The following SYCP2 variants were observed in gnomAD, a reference collection of about 807,000 sequenced individuals.
The protein encoded by SYCP2 is synaptonemal complex lateral element protein.
In SYCP2, 55 loss-of-function variants were observed where a neutral mutation model predicts 211.3. That is an observed-to-expected ratio of 0.26 (90% confidence interval 0.21 to 0.33). The LOEUF is 0.33. Among genes scored for constraint, SYCP2 ranks in the 10% least tolerant of loss-of-function variants. The pLI is 1.00. For synonymous variants in SYCP2, 570 were observed against 555.2 expected (o/e 1.03, Z -0.37); for missense variants, 1,731 against 1,752.0 (o/e 0.99, Z 0.21).
intron 29 of SYCP2, 94 bp from the exon 30 acceptor site, chr20:59,881,117 TTAACTTTTTCAC>T: frequency 1.4e-6 from 1 of 708,092 alleles, no homozygotes; most frequent in Non-Finnish European, 2.3e-6. Flanking sequence ...GTTTTCAGTC[TTAACTTTTTCAC>T]TAATTAGCTA....
intron 3 of SYCP2, 138 bp downstream of exon 3, chr20:59,922,252 T>G (rs1012991341): frequency 5.6e-6 from 4 of 711,302 alleles, no homozygotes; most frequent in African/African-American, 1.9e-5. Context: ...AAAGGACACT[T>G]TATTTAAACT....
rs2060516504 is a variant in SYCP2, at chr20:59,920,266, A to G, written c.297+93T>C. 3.4e-6 allele frequency: 4 copies of G among 1,190,172 alleles called. No homozygotes were observed. In the East Asian group the frequency reaches 1.0e-4, roughly 31 times the overall value. 73.7% of individuals were successfully genotyped at this position (1,190,172 alleles called of 1,614,324 possible). A position where few individuals can be genotyped will look rare whatever the true frequency, so the allele number is the denominator to read the frequency against. ...CCAAAATTGTACATAAAGTTCCTAA[A>G]TTTATTTTCAACAATTTGGATAATT... On this transcript the variant is annotated intron_variant, in intron 5 of 44. Coordinates refer to ENST00000357552, the MANE Select transcript of SYCP2 (RefSeq NM_014258.4).
Position 59,868,822 on chromosome 20 carries a change from T to C in SYCP2, c.3832+13A>G. On this transcript the variant is annotated intron_variant, in intron 37 of 44. Transcript: ENST00000357552. Reference sequence around the variant, plus strand: ...GTAATCATTTTTTAAAAAGCAAGACTATGACTACAAACCTGATACATGAGT... The same window carrying C: ...GTAATCATTTTTTAAAAAGCAAGACCATGACTACAAACCTGATACATGAGT... The C allele has an allele frequency of 6.3e-7, 1 of 1,588,138 alleles. No homozygotes were observed. Among genetic ancestry groups the C allele is most frequent in the Middle Eastern group, 1.7e-4 (1 of 5,916 alleles).
rs778071339 is a variant in SYCP2 at position 59,892,038 on chromosome 20, T to G, written c.2316A>C (p.Lys772Asn). The change falls in exon 24 of 45, where the codon AAA (lysine) becomes AAC (asparagine). Residue 772 changes from lysine (K) to asparagine (N), a missense_variant. Physicochemically the swap from Lys to Asn is moderately conservative, Grantham distance 94. Coordinates refer to ENST00000357552, the MANE Select transcript of SYCP2 (RefSeq NM_014258.4). ...KNVQSHRKAEKELTSELNSWD... is the reference protein window; with the variant it reads ...KNVQSHRKAENELTSELNSWD... ...AGGAATTAAGCTCAGAAGTCAATTC[T>G]TTCTCTGCTTTTCTATGACTTTGCA... 8.1e-6 allele frequency: 13 copies of G among 1,606,938 alleles called. No individual in the cohort carries two copies. Among genetic ancestry groups the G allele is most frequent in the African/African-American group, 1.3e-5 (1 of 74,484 alleles).
At chr20:59,889,792 G>C (rs1283089600) in intron 24 of SYCP2, among the ~76,000 whole-genome samples, 1 of 152,012 alleles carries the variant, frequency 6.6e-6, no homozygotes, top group African/African-American at 2.4e-5. Flanking sequence ...AACTACCAAG[G>C]TTGCTCTGGG....
intron 2 of SYCP2, among the ~76,000 whole-genome samples, chr20:59,931,312 A>T (rs1488334954): frequency 1.3e-5 from 2 of 152,220 alleles, no homozygotes; most frequent in Non-Finnish European, 2.9e-5. Flanking sequence ...GCTAATCAGG[A>T]GGCTGAAGTG....
chr20:59,921,201 G>A (rs2060535735), intron 4 of SYCP2, 109 bp downstream of exon 4: 1 of 819,388 alleles, frequency 1.2e-6, no homozygotes, highest in Admixed American at 3.4e-5. Context: ...ATATAATTAT[G>A]ACTGAGCTTG....
chr20:59,880,891 T>C, intron 30 of SYCP2, 75 bp downstream of exon 30: 1 of 721,882 alleles, frequency 1.4e-6, no homozygotes, highest in East Asian at 3.2e-5. Flanking sequence ...TGTTTTCTTG[T>C]TTTTGATAAT....
intron 12 of SYCP2, 66 bp from the exon 13 acceptor site, chr20:59,912,484 A>G (rs756901905): frequency 4.7e-5 from 27 of 576,692 alleles, no homozygotes; most frequent in Non-Finnish European, 7.1e-5. Context: ...GTCCAGTAAT[A>G]GAAATCATGC....
intron 10 of SYCP2, among the ~76,000 whole-genome samples, 157 bp from the exon 11 acceptor site, chr20:59,914,408 A>T (rs1313598267): frequency 6.6e-6 from 1 of 152,062 alleles, no homozygotes; most frequent in Non-Finnish European, 1.5e-5. Flanking sequence ...GATTAGAAAT[A>T]TCTCATCATT....
chr20:59,927,742 C>T (rs537158040), intron 2 of SYCP2, among the ~76,000 whole-genome samples: 3 of 152,236 alleles, frequency 2.0e-5, no homozygotes, highest in African/African-American at 7.2e-5. Flanking sequence ...CTTTAATTTA[C>T]ATCACCACTG....
intron 18 of SYCP2, 36 bp downstream of exon 18, chr20:59,900,102 T>C (rs765566717): frequency 9.4e-6 from 15 of 1,599,036 alleles, no homozygotes; most frequent in Admixed American, 1.7e-5. Flanking sequence ...TGATCAATGG[T>C]AGTTTTATAA....
chr20:59,879,814 TATAA>T (rs869104359), intron 31 of SYCP2, among the ~76,000 whole-genome samples: 519 of 31,526 alleles, frequency 0.016, 5 homozygotes, highest in African/African-American at 0.073. Context: ...ATTTAGTAAA[TATAA>T]ATAAATATAT....
At chr20:59,892,849 T>C (rs2059933863) in intron 22 of SYCP2, 148 bp from the exon 23 acceptor site, 1 of 664,366 alleles carries the variant, frequency 1.5e-6, no homozygotes, top group East Asian at 3.0e-5. Context: ...TTCTACTGTA[T>C]ATTTATATTT....
chr20:59,899,173 CAAGA>C (rs1371776464), intron 18 of SYCP2, among the ~76,000 whole-genome samples: 2 of 151,846 alleles, frequency 1.3e-5, no homozygotes, highest in Admixed American at 6.6e-5. Flanking sequence ...GCAGATGAAA[CAAGA>C]AAGAATGGAT....
intron 38 of SYCP2, 143 bp downstream of exon 38, chr20:59,868,270 T>A: frequency 1.2e-6 from 1 of 800,498 alleles, no homozygotes; most frequent in East Asian, 2.5e-5. Context: ...TTCATATAAA[T>A]GTGAACTTTG....
chr20:59,893,842 A>T (rs946804727), intron 20 of SYCP2, among the ~76,000 whole-genome samples: 2 of 152,044 alleles, frequency 1.3e-5, no homozygotes, highest in Non-Finnish European at 2.9e-5. Flanking sequence ...CATAGCTAGC[A>T]TAATAATTCA....
Position 59,879,840 on chromosome 20 carries a change from TATATATATATATATATATATATACAC to T in SYCP2, c.2941+437_2941+462del, listed in dbSNP as rs1294590206. ...ATAAATAAATATATATATATATATA[TATATATATATATATATATATATACAC>T]ACACACACACACAAACATATAAATA... On this transcript the variant is annotated intron_variant, in intron 31 of 44. Coordinates refer to ENST00000357552, the MANE Select transcript of SYCP2 (RefSeq NM_014258.4). Among the ~76,000 whole-genome samples, 713 of 123,788 alleles carry T rather than the reference TATATATATATATATATATATATACAC, an allele frequency of 5.8e-3. 8 individuals carry two copies. The highest frequency in any genetic ancestry group is 0.026 in the African/African-American group (669 of 25,530). The allele number at this position is 123,788 out of a possible 152,430, so 81.2% of individuals were successfully genotyped here. A position where few individuals can be genotyped will look rare whatever the true frequency, so the allele number is the denominator to read the frequency against.
chr20:59,894,417 T>C lies in SYCP2; in HGVS notation c.1666-824A>G, dbSNP rs370177434. On this transcript the variant is annotated intron_variant, in intron 20 of 44. Coordinates refer to ENST00000357552, the MANE Select transcript of SYCP2 (RefSeq NM_014258.4). ...CCTTATTAAGAAACACTTAGACAACTTGAACCATTACTTTGACTATTTTCT... is the reference window on the plus strand; with the variant it reads ...CCTTATTAAGAAACACTTAGACAACCTGAACCATTACTTTGACTATTTTCT... 1.1e-4 allele frequency among the ~76,000 whole-genome samples: 17 copies of C among 152,070 alleles called. No homozygotes were observed. In the South Asian group the frequency reaches 3.5e-3, roughly 32 times the overall value.
Sources: gnomAD v4.1 joint callset for allele counts (sites outside exome capture counted in the v4.1 genomes callset) on GRCh38, gnomAD v4.1.1 for gene constraint, MANE v1.5 for transcripts, NCBI Gene and HGNC (gene_info 2026-07-23, HGNC 2026-07-21) for gene names.